The following CTBP1 variants were observed in gnomAD, a reference collection of about 807,000 sequenced individuals.
CTBP1 encodes the protein C-terminal binding protein 1, also known as C-terminal-binding protein 1.
CTBP1 carries 11 observed loss-of-function variants against 42.1 expected under a neutral mutation model. The ratio of observed to expected loss-of-function variants is 0.26; its 90% CI spans 0.16 to 0.43. The LOEUF is 0.43. Among genes scored for constraint, CTBP1 ranks in the 20% least tolerant of loss-of-function variants. The pLI is 1.00. For synonymous variants in CTBP1, 324 were observed against 277.1 expected, an observed-to-expected ratio of 1.17 and a Z score of -1.68; for missense variants, 399 against 624.3, an observed-to-expected ratio of 0.64 and a Z score of 3.85.
At chr4:1,245,594 G>C (rs1203066654) in intron 1 of CTBP1, 1 of 982,234 alleles carries the variant, frequency 1.0e-6, no homozygotes, top group African/African-American at 1.8e-5. Flanking sequence ...GCAGGGAAGA[G>C]TGGCACGGGA....
At chr4:1,229,871 T>G (rs763996500) in intron 3 of CTBP1, among the ~76,000 whole-genome samples, 9 of 152,090 alleles carry the variant, frequency 5.9e-5, no homozygotes, top group African/African-American at 1.9e-4. Flanking sequence ...GAGAGGACCA[T>G]GGAGGACCAC....
Position 1,216,451 on chromosome 4 carries a change from A to G in CTBP1, c.515-246T>C, listed in dbSNP as rs998272610. On this transcript the variant is annotated intron_variant, in intron 5 of 9. Transcript: ENST00000382952. ...AAAGGGTACACTAGCCCCTCGGCCC[A>G]CACCAGCTGCCAGCCACACCACTCC... 8 of 590,460 alleles carry G rather than the reference A, an allele frequency of 1.4e-5. No individual in the cohort carries two copies. The African/African-American group carries it at 1.5e-4, about 11-fold the overall frequency. 36.6% of individuals were successfully genotyped at this position (590,460 alleles called of 1,614,324 possible).
At chr4:1,243,623 G>C (rs1732416496) in intron 1 of CTBP1, 4 of 985,434 alleles carry the variant, frequency 4.1e-6, no homozygotes, top group Non-Finnish European at 4.8e-6. Context: ...GAGAGCCAGT[G>C]TCCGAGTCCT....
chr4:1,237,676 C>T (rs1259186211), intron 3 of CTBP1: 19 of 407,798 alleles, frequency 4.7e-5, no homozygotes, highest in Middle Eastern at 3.9e-4. Flanking sequence ...GGACAAACCC[C>T]GTGTCCACCT....
intron 7 of CTBP1, 108 bp downstream of exon 7, chr4:1,214,235 C>A: frequency 7.4e-7 from 1 of 1,352,346 alleles, no homozygotes; most frequent in Non-Finnish European, 9.6e-7. Context: ...CAGCGAGAGG[C>A]CTGAGTACAG....
At chr4:1,228,885 G>A (rs1052724272) in intron 3 of CTBP1, among the ~76,000 whole-genome samples, 21 of 152,350 alleles carry the variant, frequency 1.4e-4, no homozygotes, top group African/African-American at 3.4e-4. Flanking sequence ...CAGCCGTAAG[G>A]ATACATCCAC....
rs145193058 is a variant in CTBP1, at chr4:1,212,257, C to T, written c.1273G>A (p.Ala425Thr). Reference sequence around the variant, plus strand: ...CTCCCGGGCTACAACTGGTCACTGGCGTGGTCTCTATCCGCCTCGGGCTTG... The same window carrying T: ...CTCCCGGGCTACAACTGGTCACTGGTGTGGTCTCTATCCGCCTCGGGCTTG... Reference protein sequence around the residue: ...TVKPEADRDHASDQL With the variant: ...TVKPEADRDHTSDQL The change falls in exon 10 of 10, where the codon GCC (alanine) becomes ACC (threonine). Residue 425 changes from alanine to threonine, a missense_variant. Ala to Thr is a moderately conservative substitution (Grantham distance 58, BLOSUM62 0). Transcript: ENST00000382952. The T allele has an allele frequency of 2.7e-5, 34 of 1,279,198 alleles. No individual in the cohort carries two copies. The highest frequency in any genetic ancestry group is 4.8e-4 in the Middle Eastern group (2 of 4,162). 79.2% of individuals were successfully genotyped at this position (1,279,198 alleles called of 1,614,324 possible).
intron 2 of CTBP1, 53 bp downstream of exon 2, chr4:1,241,272 C>T (rs1403478422): frequency 2.0e-5 from 16 of 787,194 alleles, no homozygotes; most frequent in Non-Finnish European, 3.3e-5. Flanking sequence ...CACACGGTCG[C>T]AAAGAGACCG....
intron 3 of CTBP1, among the ~76,000 whole-genome samples, chr4:1,231,747 TG>T (rs1177304904): frequency 6.6e-6 from 1 of 151,966 alleles, no homozygotes; most frequent in East Asian, 1.9e-4. Context: ...AGGCCCAGGG[TG>T]GGGCTGGGCT....
intron 5 of CTBP1, chr4:1,217,164 C>G (rs1729218661): frequency 1.3e-5 from 2 of 152,350 alleles, no homozygotes; most frequent in South Asian, 4.1e-4. Context: ...GACCGCCAGG[C>G]ACACAGGGTG....
chr4:1,232,703 T>C (rs1731082443), intron 3 of CTBP1, among the ~76,000 whole-genome samples: 1 of 152,254 alleles, frequency 6.6e-6, no homozygotes, highest in South Asian at 2.1e-4. Context: ...GTATGTTCTG[T>C]ATTGTCATAA....
rs746228495 is a variant in CTBP1 at position 1,235,982 on chromosome 4, T to A, written c.162+2201A>T. ...ATCGTGTGGCGCGTCAGAGTCCAGG[T>A]CACCCTCACTCCAGATGTCACCTTT... On this transcript the variant is annotated intron_variant, in intron 3 of 9. Coordinates refer to ENST00000382952, the MANE Select transcript of CTBP1 (RefSeq NM_001012614.2). This position sits in a 1 kb window ranked among gnomAD's most constrained non-coding sequence, Gnocchi z 4.2. 1 of 152,262 alleles carries A rather than the reference T, an allele frequency of 6.6e-6. No homozygotes were observed. The highest frequency in any genetic ancestry group is 1.5e-5 in the Non-Finnish European group (1 of 68,140). 9.4% of individuals were successfully genotyped at this position (152,262 alleles called of 1,614,324 possible). A position where few individuals can be genotyped will look rare whatever the true frequency, so the allele number is the denominator to read the frequency against.
In CTBP1 at chr4:1,241,989, C is replaced by A. The variant is rs778465656; in HGVS notation, c.-188-470G>T. On this transcript the variant is annotated intron_variant, in intron 1 of 9. Coordinates refer to ENST00000382952, the MANE Select transcript of CTBP1 (RefSeq NM_001012614.2). ...GCAAGGACGTGGAACTTCCCAGGAG[C>A]CACCGGGAGAGGTGCTGCTGGCTTT... 3 of 1,003,894 alleles carry A rather than the reference C, an allele frequency of 3.0e-6. No individual in the cohort carries two copies. In the Admixed American group the frequency reaches 1.6e-4, roughly 54 times the overall value. 62.2% of individuals were successfully genotyped at this position (1,003,894 alleles called of 1,614,324 possible). A position where few individuals can be genotyped will look rare whatever the true frequency, so the allele number is the denominator to read the frequency against.
chr4:1,243,948 G>A, intron 1 of CTBP1: 3 of 985,470 alleles, frequency 3.0e-6, no homozygotes, highest in Non-Finnish European at 3.6e-6. Context: ...GACCCACGAG[G>A]GAAGTGAGTG....
At chr4:1,221,858 C>A in intron 5 of CTBP1, 1 of 419,390 alleles carries the variant, frequency 2.4e-6, no homozygotes, top group Non-Finnish European at 4.8e-6. Context: ...GTGCATTTTT[C>A]AGAAGGAAGG....
intron 1 of CTBP1, chr4:1,243,523 G>A: frequency 2.0e-6 from 2 of 985,386 alleles, no homozygotes; most frequent in Non-Finnish European, 2.4e-6. Flanking sequence ...CTCAGAAACA[G>A]CCCTGGGGTA....
intron 6 of CTBP1, chr4:1,215,538 C>T (rs1418635699): frequency 6.7e-5 from 17 of 252,482 alleles, no homozygotes; most frequent in African/African-American, 9.0e-5. Context: ...GAGCACAGCC[C>T]GTTCCAGCTG....
chr4:1,244,229 C>A (rs1732483555), intron 1 of CTBP1: 1 of 985,188 alleles, frequency 1.0e-6, no homozygotes, highest in African/African-American at 1.7e-5. Flanking sequence ...CCGCCCCGAT[C>A]CACGTGTGTG....
At chr4:1,242,229 G>A (rs1732251739) in intron 1 of CTBP1, 15 of 985,450 alleles carry the variant, frequency 1.5e-5, no homozygotes, top group Non-Finnish European at 1.8e-5. Context: ...CCTTCCAGTA[G>A]AGGCTTGAGA....
Sources: gnomAD v4.1 joint callset for allele counts (sites outside exome capture counted in the v4.1 genomes callset) on GRCh38, gnomAD v4.1.1 for gene constraint, Gnocchi (gnomAD v3.1) non-coding constraint, MANE v1.5 for transcripts, NCBI Gene and HGNC (gene_info 2026-07-23, HGNC 2026-07-21) for gene names.